Variants in EXT2 observed in about 807,000 individuals in gnomAD.
The protein encoded by EXT2 is exostosin glycosyltransferase 2.
A neutral mutation model predicts 81.6 loss-of-function variants in EXT2; 53 were observed. The ratio of observed to expected loss-of-function variants is 0.65; its 90% CI spans 0.52 to 0.82. The LOEUF is 0.82. EXT2 is among the 40% of genes least tolerant of loss of function. EXT2 has a pLI of 0.00. For missense variants in EXT2, 774 were observed against 910.2 expected (o/e 0.85, Z 1.93); for synonymous variants, 320 against 340.0 (o/e 0.94, Z 0.65).
intron 7 of EXT2, among the ~76,000 whole-genome samples, chr11:44,140,012 G>A (rs574988045): frequency 2.0e-5 from 3 of 152,188 alleles, no homozygotes; most frequent in African/African-American, 7.2e-5. Context: ...TTGCAGGTCC[G>A]GAACCTCGCC....
chr11:44,134,712 G>T (rs1479383788), intron 7 of EXT2, among the ~76,000 whole-genome samples: 1 of 152,196 alleles, frequency 6.6e-6, no homozygotes, highest in Non-Finnish European at 1.5e-5. Flanking sequence ...AGGGAGGAAG[G>T]TGTAAATGGA....
At chr11:44,190,064 G>A (rs1955371074) in intron 8 of EXT2, among the ~76,000 whole-genome samples, 1 of 152,150 alleles carries the variant, frequency 6.6e-6, no homozygotes, top group Non-Finnish European at 1.5e-5. Context: ...CCTTATGCAC[G>A]TTAGTAATAT....
intron 7 of EXT2, among the ~76,000 whole-genome samples, chr11:44,163,830 A>G (rs186951922): frequency 6.6e-6 from 1 of 152,096 alleles, no homozygotes; most frequent in East Asian, 1.9e-4. Flanking sequence ...GCTTTATTTA[A>G]TCTGTCTTGG....
chr11:44,096,181 C>T lies in EXT2; in HGVS notation c.-31+329C>T, dbSNP rs1953892394. 5 of 1,419,620 alleles carry T rather than the reference C, an allele frequency of 3.5e-6. No homozygotes were observed. In the East Asian group the frequency reaches 1.2e-4, roughly 35 times the overall value. The allele number at this position is 1,419,620 out of a possible 1,614,324, so 87.9% of individuals were successfully genotyped here. A position where few individuals can be genotyped will look rare whatever the true frequency, so the allele number is the denominator to read the frequency against. ...TTTCCTCCTGCGACCCGCCCTCCGC[C>T]CTCCGCCGTGACCCCTCCCTTCCTG... On this transcript the variant is annotated intron_variant, in intron 1 of 13. Coordinates refer to ENST00000533608, the MANE Select transcript of EXT2 (RefSeq NM_207122.2).
At chr11:44,142,377 T>C (rs1193506359) in intron 7 of EXT2, among the ~76,000 whole-genome samples, 1 of 152,242 alleles carries the variant, frequency 6.6e-6, no homozygotes, top group Admixed American at 6.5e-5. Context: ...ACAAGATAGC[T>C]CCACTTAAGC....
chr11:44,139,744 G>A (rs1015568889), intron 7 of EXT2, among the ~76,000 whole-genome samples: 1 of 152,202 alleles, frequency 6.6e-6, no homozygotes, highest in African/African-American at 2.4e-5. Flanking sequence ...CGTTAAAACA[G>A]TGTGAGCGGC....
chr11:44,107,109 A>G (rs1051814051), intron 1 of EXT2, among the ~76,000 whole-genome samples: 5 of 152,008 alleles, frequency 3.3e-5, no homozygotes, highest in Non-Finnish European at 5.9e-5. Context: ...AAGTAAATGT[A>G]TATTGATAGG....
At chr11:44,099,843 C>A (rs999317383) in intron 1 of EXT2, among the ~76,000 whole-genome samples, 1 of 152,012 alleles carries the variant, frequency 6.6e-6, no homozygotes, top group African/African-American at 2.4e-5. Flanking sequence ...GGGGCTTTTC[C>A]CCTTTCTTTT....
At chr11:44,237,442 T>G (rs1004675710) in intron 13 of EXT2, among the ~76,000 whole-genome samples, 1 of 152,168 alleles carries the variant, frequency 6.6e-6, no homozygotes, top group African/African-American at 2.4e-5. Flanking sequence ...TGTGAAATAA[T>G]ATATTATCAC....
intron 3 of EXT2, among the ~76,000 whole-genome samples, chr11:44,110,388 A>G (rs568501886): frequency 3.3e-5 from 5 of 152,144 alleles, no homozygotes; most frequent in Non-Finnish European, 5.9e-5. Flanking sequence ...ACCGTTTTGG[A>G]CGATAGAGGG....
intron 7 of EXT2, among the ~76,000 whole-genome samples, chr11:44,139,135 C>CGT (rs200010592): frequency 0.017 from 1,736 of 102,218 alleles, 39 homozygotes; most frequent in African/African-American, 0.055. Flanking sequence ...TTTTTTTTTG[C>CGT]GTGTGTGTGT....
intron 6 of EXT2, among the ~76,000 whole-genome samples, chr11:44,129,447 T>C (rs1954457808): frequency 6.6e-6 from 1 of 152,220 alleles, no homozygotes; most frequent in Non-Finnish European, 1.5e-5. Flanking sequence ...TTGCTGTTCC[T>C]GGAACTTGCC....
At chr11:44,115,647 C>T (rs948220072) in intron 4 of EXT2, among the ~76,000 whole-genome samples, 4 of 152,168 alleles carry the variant, frequency 2.6e-5, no homozygotes, top group African/African-American at 9.7e-5. Context: ...AAATGGGTCT[C>T]ATGGAAATAG....
chr11:44,146,024 G>A (rs1272308699), intron 7 of EXT2, among the ~76,000 whole-genome samples: 1 of 152,186 alleles, frequency 6.6e-6, no homozygotes, highest in Non-Finnish European at 1.5e-5. Context: ...CACAGTTCTG[G>A]AGGCTGGAAG....
At chr11:44,171,912 C>A in intron 8 of EXT2, 170 bp downstream of exon 8, 3 of 955,724 alleles carry the variant, frequency 3.1e-6, no homozygotes, top group Non-Finnish European at 4.8e-6. Context: ...GAAACACTGA[C>A]AAAAGTAAAA....
At chr11:44,134,588 A>G (rs1954539164) in intron 7 of EXT2, among the ~76,000 whole-genome samples, 1 of 152,186 alleles carries the variant, frequency 6.6e-6, no homozygotes, top group South Asian at 2.1e-4. Flanking sequence ...CTGTAGTCAA[A>G]TGGAACATTC....
At chr11:44,137,464 A>T (rs1183903233) in intron 7 of EXT2, among the ~76,000 whole-genome samples, 1 of 151,332 alleles carries the variant, frequency 6.6e-6, no homozygotes, top group African/African-American at 2.4e-5. Flanking sequence ...TTTTACTGTG[A>T]TGCCAGTTTT....
At chr11:44,096,397 C>T (rs1247919463) in intron 1 of EXT2, 12 of 1,411,980 alleles carry the variant, frequency 8.5e-6, no homozygotes, top group African/African-American at 1.5e-5. Context: ...ACTGGGTGAC[C>T]GGGAACTAGA....
At chr11:44,231,963 A>T (rs746804679) in intron 10 of EXT2, among the ~76,000 whole-genome samples, 1 of 152,120 alleles carries the variant, frequency 6.6e-6, no homozygotes, top group Non-Finnish European at 1.5e-5. Flanking sequence ...TTTCATAATC[A>T]CCAATTTAAT....
Sources: gnomAD v4.1 joint callset for allele counts (sites outside exome capture counted in the v4.1 genomes callset) on GRCh38, gnomAD v4.1.1 for gene constraint, MANE v1.5 for transcripts, NCBI Gene and HGNC (gene_info 2026-07-23, HGNC 2026-07-21) for gene names.